The following CHCHD7 variants were observed in gnomAD, a reference collection of about 807,000 sequenced individuals.
CHCHD7 encodes coiled-coil-helix-coiled-coil-helix domain-containing protein 7.
A neutral mutation model predicts 10.5 loss-of-function variants in CHCHD7; 7 were observed. The observed-to-expected ratio is 0.67, with a 90% CI of 0.38 to 1.25. The LOEUF is 1.25. CHCHD7 is among the 50% of genes most tolerant of loss of function. CHCHD7 has a pLI of 0.02. For missense variants in CHCHD7, 100 were observed against 104.5 expected, an observed-to-expected ratio of 0.96 and a Z score of 0.19; for synonymous variants, 40 against 36.0, an observed-to-expected ratio of 1.11 and a Z score of -0.40.
At chr8:56,217,160 A>G (rs1813396672) in intron 3 of CHCHD7, among the ~76,000 whole-genome samples, 171 bp from the exon 4 acceptor site, 1 of 152,198 alleles carries the variant, frequency 6.6e-6, no homozygotes. Context: ...ACTAATTTAA[A>G]TACGTTTATC....
chr8:56,217,010 C>T (rs1463477051), intron 3 of CHCHD7: 1 of 418,988 alleles, frequency 2.4e-6, no homozygotes, highest in East Asian at 5.1e-5. Context: ...TTGCTAAATG[C>T]ACTGTTGGTT....
At position 56,218,132 on chromosome 8, in the gene CHCHD7, C is replaced by T. The variant is rs149671425; in HGVS notation, c.*697C>T. The T allele has an allele frequency of 3.9e-5, 9 of 227,968 alleles. No individual in the cohort carries two copies. The highest frequency in any genetic ancestry group is 7.0e-5 in the Non-Finnish European group (8 of 114,914). 14.1% of individuals were successfully genotyped at this position (227,968 alleles called of 1,614,324 possible). On this transcript the variant is annotated 3_prime_UTR_variant, in exon 4 of 4. Coordinates refer to ENST00000355315, the MANE Select transcript of CHCHD7 (RefSeq NM_001011671.3). ...AAATCCTTAAATATTGGGTTGCCTT[C>T]TGCAGCTGTAGTATCAGTTTTTGAA...
At chr8:56,214,938 A>C in intron 2 of CHCHD7, 1 of 309,078 alleles carries the variant, frequency 3.2e-6, no homozygotes, top group Non-Finnish European at 6.1e-6. Flanking sequence ...AACACTGAGA[A>C]TATTTAGTCC....
chr8:56,214,781 A>G (rs1813246374), intron 2 of CHCHD7, 114 bp downstream of exon 2: 3 of 717,828 alleles, frequency 4.2e-6, no homozygotes, highest in Non-Finnish European at 7.1e-6. Context: ...TCTAGAAAAA[A>G]TATTGTTGGC....
intron 2 of CHCHD7, 72 bp from the exon 3 acceptor site, chr8:56,216,361 T>TTTTG (rs751128128): frequency 2.0e-5 from 32 of 1,592,442 alleles, no homozygotes; most frequent in South Asian, 9.1e-5. Context: ...GGGAAGCAGC[T>TTTTG]TTTGTTTGTT....
At chr8:56,216,014 A>G (rs1297324400) in intron 2 of CHCHD7, among the ~76,000 whole-genome samples, 1 of 152,254 alleles carries the variant, frequency 6.6e-6, no homozygotes, top group African/African-American at 2.4e-5. Flanking sequence ...TGAAACCAAT[A>G]TTATGATCAA....
intron 3 of CHCHD7, chr8:56,216,952 A>G (rs1254587788): frequency 8.9e-6 from 4 of 447,238 alleles, no homozygotes; most frequent in Non-Finnish European, 1.6e-5. Flanking sequence ...ACATTGGTAT[A>G]TAATTTCTGT....
At position 56,212,770 on chromosome 8, in the gene CHCHD7, C is replaced by G. The variant is rs1043161290; in HGVS notation, c.-17+933C>G. 32 of 850,714 alleles carry G rather than the reference C, an allele frequency of 3.8e-5. 1 individual carries two copies. The highest frequency in any genetic ancestry group is 3.4e-5 in the Non-Finnish European group (17 of 494,118). 52.7% of individuals were successfully genotyped at this position (850,714 alleles called of 1,614,324 possible). ...TTCCTCTTCAATTCCAGTTAATACACGAGGAACTCATGCAAAGGAGGGGAC... is the reference window on the plus strand; with the variant it reads ...TTCCTCTTCAATTCCAGTTAATACAGGAGGAACTCATGCAAAGGAGGGGAC... On this transcript the variant is annotated intron_variant, in intron 1 of 3. Coordinates refer to ENST00000355315, the MANE Select transcript of CHCHD7 (RefSeq NM_001011671.3).
intron 3 of CHCHD7, 116 bp from the exon 4 acceptor site, chr8:56,217,214 AC>A (rs1290817438): frequency 3.4e-6 from 2 of 582,278 alleles, no homozygotes; most frequent in East Asian, 6.0e-5. Context: ...TTTAAAAAAA[AC>A]TTGGTTTTTA....
rs147301380 is a variant in CHCHD7 at position 56,217,566 on chromosome 8, G to A, written c.*131G>A. 3.4e-4 allele frequency: 196 copies of A among 568,936 alleles called. 2 individuals carry two copies. The highest frequency in any genetic ancestry group is 1.3e-3 in the Admixed American group (39 of 31,108). 35.2% of individuals were successfully genotyped at this position (568,936 alleles called of 1,614,324 possible). A position where few individuals can be genotyped will look rare whatever the true frequency, so the allele number is the denominator to read the frequency against. On this transcript the variant is annotated 3_prime_UTR_variant, in exon 4 of 4. Transcript: ENST00000355315. ...AAGTTCTTCAAGTGGAGACAGTGAAGTCACCCCGTGTCCTTTTTGCTTGCT... is the reference window on the plus strand; with the variant it reads ...AAGTTCTTCAAGTGGAGACAGTGAAATCACCCCGTGTCCTTTTTGCTTGCT...
chr8:56,218,239 G>A lies in CHCHD7; in HGVS notation c.*804G>A. On this transcript the variant is annotated 3_prime_UTR_variant, in exon 4 of 4. Coordinates refer to ENST00000355315, the MANE Select transcript of CHCHD7 (RefSeq NM_001011671.3). ...CAGGATGAGTTGGGCAGGGAAAAGG[G>A]TCAGGGTTCATCAGGTGAACTCAAC... is the stretch of plus-strand genomic sequence containing the variant. The A allele has an allele frequency of 8.8e-6, 2 of 228,406 alleles. No homozygotes were observed. The highest frequency in any genetic ancestry group is 5.7e-5 in the Admixed American group (1 of 17,584). 14.1% of individuals were successfully genotyped at this position (228,406 alleles called of 1,614,324 possible).
chr8:56,214,609 T>G lies in CHCHD7; in HGVS notation c.-5T>G. The G allele has an allele frequency of 6.2e-7, 1 of 1,612,804 alleles. No individual in the cohort carries two copies. The highest frequency in any genetic ancestry group is 8.5e-7 in the Non-Finnish European group (1 of 1,178,888). On this transcript the variant is annotated 5_prime_UTR_variant, in exon 2 of 4. Coordinates refer to ENST00000355315, the MANE Select transcript of CHCHD7 (RefSeq NM_001011671.3). The stretch of plus-strand genomic sequence containing the variant: ...CTGTCTACCCTCAGTAAGAAGACTG[T>G]TAGAATGCCCTCGGTAACACAGAGG...
chr8:56,213,108 A>G, intron 1 of CHCHD7: 1 of 416,762 alleles, frequency 2.4e-6, no homozygotes. Flanking sequence ...TACTATCATC[A>G]TCTCTCTTAG....
At chr8:56,214,149 C>T (rs956364279) in intron 1 of CHCHD7, 1 of 152,666 alleles carries the variant, frequency 6.6e-6, no homozygotes, top group Non-Finnish European at 1.5e-5. Context: ...AATCACAGCT[C>T]TCTGCAGCCT....
chr8:56,213,085 C>T, intron 1 of CHCHD7: 1 of 426,030 alleles, frequency 2.3e-6, no homozygotes, highest in Non-Finnish European at 4.1e-6. Flanking sequence ...AAAAAGAAAG[C>T]TGTGAATTTA....
In CHCHD7 at chr8:56,218,744, T is replaced by G. The variant is rs561626782; in HGVS notation, c.*1309T>G. On this transcript the variant is annotated 3_prime_UTR_variant, in exon 4 of 4. Transcript: ENST00000355315. ...AGCACACTTGTTAAAGGGCTTGGAATTTTAATGTCACTCCTTTGAAGGTAC... is the reference window on the plus strand; with the variant it reads ...AGCACACTTGTTAAAGGGCTTGGAAGTTTAATGTCACTCCTTTGAAGGTAC... 1 of 195,496 alleles carries G rather than the reference T, an allele frequency of 5.1e-6. No homozygotes were observed. The highest frequency in any genetic ancestry group is 2.3e-5 in the African/African-American group (1 of 43,336). 12.1% of individuals were successfully genotyped at this position (195,496 alleles called of 1,614,324 possible).
chr8:56,216,391 C>A (rs1813343209), intron 2 of CHCHD7, 42 bp from the exon 3 acceptor site: 2 of 1,609,686 alleles, frequency 1.2e-6, no homozygotes, highest in Non-Finnish European at 1.7e-6. Context: ...GCTTTTAGAT[C>A]CTGTTCTACC....
At position 56,217,317 on chromosome 8, in the gene CHCHD7, A is replaced by C; in HGVS notation, c.154-14A>C. The C allele has an allele frequency of 6.6e-7, 1 of 1,509,420 alleles. No individual in the cohort carries two copies. Among genetic ancestry groups the C allele is most frequent in the Non-Finnish European group, 9.1e-7 (1 of 1,093,736 alleles). The allele number at this position is 1,509,420 out of a possible 1,614,324, so 93.5% of individuals were successfully genotyped here. A position where few individuals can be genotyped will look rare whatever the true frequency, so the allele number is the denominator to read the frequency against. On this transcript the variant is annotated splice_polypyrimidine_tract_variant and intron_variant, in intron 3 of 3. Transcript: ENST00000355315. ...TTTTGGTTTCTTCTTTTTTATTTTAATGCCTGTACACAGAATTCTATCGTG... is the reference window on the plus strand; with the variant it reads ...TTTTGGTTTCTTCTTTTTTATTTTACTGCCTGTACACAGAATTCTATCGTG...
intron 2 of CHCHD7, chr8:56,215,466 C>T (rs1437721150): frequency 2.0e-5 from 3 of 152,168 alleles, no homozygotes; most frequent in South Asian, 4.1e-4. Flanking sequence ...CGTCAAAAGG[C>T]ATTAGATTCT....
Sources: gnomAD v4.1 joint callset for allele counts (sites outside exome capture counted in the v4.1 genomes callset) on GRCh38, gnomAD v4.1.1 for gene constraint, MANE v1.5 for transcripts, NCBI Gene and HGNC (gene_info 2026-07-23, HGNC 2026-07-21) for gene names.